Variants in VWA3B observed in about 807,000 individuals in gnomAD.
VWA3B encodes the protein von Willebrand factor A domain-containing protein 3B.
Under a neutral mutation model 158.3 loss-of-function variants are expected in VWA3B, and 138 were observed. That is an observed-to-expected ratio of 0.87 (90% CI 0.76 to 1.00). The LOEUF is 1.00. Among genes scored for constraint, VWA3B ranks in the 50% least tolerant of loss-of-function variants. The pLI is 0.00. For synonymous variants in VWA3B, 596 were observed against 587.3 expected, an observed-to-expected ratio of 1.01 and a Z score of -0.21; for missense variants, 1,555 against 1,565.1, an observed-to-expected ratio of 0.99 and a Z score of 0.11.
At chr2:98,121,818 C>T (rs1408873751) in intron 5 of VWA3B, 1 of 202,028 alleles carries the variant, frequency 4.9e-6, no homozygotes, top group African/African-American at 2.3e-5. Context: ...CACTCTTGCT[C>T]TCCTACCAAT....
At chr2:98,267,165 A>C (rs1431359952) in intron 21 of VWA3B, among the ~76,000 whole-genome samples, 3 of 151,508 alleles carry the variant, frequency 2.0e-5, no homozygotes, top group South Asian at 2.1e-4. Context: ...CCCATTCAGT[A>C]TGATATTGGC....
chr2:98,108,524 G>A (rs568248887), intron 2 of VWA3B, among the ~76,000 whole-genome samples: 5 of 152,108 alleles, frequency 3.3e-5, no homozygotes, highest in African/African-American at 1.2e-4. Flanking sequence ...ATATTTTGCA[G>A]TTCTATTGGG....
intron 10 of VWA3B, among the ~76,000 whole-genome samples, chr2:98,190,327 G>A (rs1033893763): frequency 6.6e-6 from 1 of 151,876 alleles, no homozygotes; most frequent in Non-Finnish European, 1.5e-5. Flanking sequence ...TCCCACTTAC[G>A]CCCTTTCTAT....
At position 98,222,868 on chromosome 2, in the gene VWA3B, A is replaced by T. The variant is rs377483274; in HGVS notation, c.2019+4840A>T. Among the ~76,000 whole-genome samples, 49 of 152,348 alleles carry T rather than the reference A, an allele frequency of 3.2e-4. No homozygotes were observed. The East Asian group carries it at 5.2e-3, about 16-fold the overall frequency. On this transcript the variant is annotated intron_variant, in intron 14 of 27. Coordinates refer to ENST00000477737, the MANE Select transcript of VWA3B (RefSeq NM_144992.5). Reference sequence around the variant, plus strand: ...AAGCAGGGCAACTACCAAGTAAAATAAAAGATTTTAAATAGGACCCAGAAT... The same window carrying T: ...AAGCAGGGCAACTACCAAGTAAAATTAAAGATTTTAAATAGGACCCAGAAT...
chr2:98,274,191 A>G lies in VWA3B; in HGVS notation c.3045+3308A>G, dbSNP rs567525773. Among the ~76,000 whole-genome samples the G allele has an allele frequency of 7.2e-5, 11 of 152,218 alleles. No homozygotes were observed. In the East Asian group the frequency reaches 1.2e-3, roughly 16 times the overall value. On this transcript the variant is annotated intron_variant, in intron 22 of 27. Transcript: ENST00000477737. ...AATGGGGATTTGTTAGCTGTGTTGAATGCATGGGCCCAGCCTAATGGAGGA... is the reference window on the plus strand; with the variant it reads ...AATGGGGATTTGTTAGCTGTGTTGAGTGCATGGGCCCAGCCTAATGGAGGA...
intron 14 of VWA3B, among the ~76,000 whole-genome samples, chr2:98,221,187 G>T (rs1684472209): frequency 6.6e-6 from 1 of 151,858 alleles, no homozygotes; most frequent in Non-Finnish European, 1.5e-5. Flanking sequence ...GAGGTCCCTT[G>T]GCAATGAGTC....
intron 19 of VWA3B, among the ~76,000 whole-genome samples, chr2:98,249,088 A>G (rs889567849): frequency 6.6e-6 from 1 of 152,114 alleles, no homozygotes; most frequent in Non-Finnish European, 1.5e-5. Context: ...AAATGCCTAC[A>G]TGCTCCTTAT....
chr2:98,160,037 A>G (rs1220329389), intron 7 of VWA3B, among the ~76,000 whole-genome samples: 1 of 151,538 alleles, frequency 6.6e-6, no homozygotes, highest in Non-Finnish European at 1.5e-5. Flanking sequence ...ACATAAAGAT[A>G]CATACAGCTT....
chr2:98,234,989 C>T (rs1429864094), intron 17 of VWA3B, among the ~76,000 whole-genome samples: 1 of 152,094 alleles, frequency 6.6e-6, no homozygotes, highest in African/African-American at 2.4e-5. Flanking sequence ...TTAATACACA[C>T]GTGGCTCACA....
chr2:98,252,097 T>C (rs983678671), intron 20 of VWA3B, among the ~76,000 whole-genome samples: 31 of 152,090 alleles, frequency 2.0e-4, no homozygotes, highest in Non-Finnish European at 4.1e-4. Context: ...TCAGCACCAA[T>C]GATCCTTCTC....
intron 5 of VWA3B, among the ~76,000 whole-genome samples, chr2:98,124,935 A>G (rs1675241225): frequency 6.6e-6 from 1 of 152,218 alleles, no homozygotes; most frequent in Non-Finnish European, 1.5e-5. Context: ...TGAAAACATA[A>G]AGGCTCCTCC....
intron 22 of VWA3B, among the ~76,000 whole-genome samples, chr2:98,280,365 A>T (rs1437950604): frequency 6.6e-6 from 1 of 152,220 alleles, no homozygotes; most frequent in Non-Finnish European, 1.5e-5. Context: ...AGAGAGAGAA[A>T]AAAAACACAC....
At chr2:98,203,486 T>C (rs1682756022) in intron 12 of VWA3B, among the ~76,000 whole-genome samples, 1 of 152,262 alleles carries the variant, frequency 6.6e-6, no homozygotes, top group Admixed American at 6.5e-5. Flanking sequence ...GACATTTGGA[T>C]AGAAATTGCA....
downstream of VWA3B, among the ~76,000 whole-genome samples, chr2:98,318,247 T>C (rs1691129730): frequency 6.6e-6 from 1 of 152,304 alleles, no homozygotes; most frequent in Admixed American, 6.5e-5. Context: ...ATATAAATTT[T>C]TTATTATAAA....
At chr2:98,182,088 G>A (rs1195614265) in intron 9 of VWA3B, among the ~76,000 whole-genome samples, 1 of 152,256 alleles carries the variant, frequency 6.6e-6, no homozygotes, top group Admixed American at 6.5e-5. Flanking sequence ...GGTACATGCT[G>A]TGAAGTGAAC....
chr2:98,271,946 G>A (rs1688225632), intron 22 of VWA3B, among the ~76,000 whole-genome samples: 1 of 152,234 alleles, frequency 6.6e-6, no homozygotes, highest in African/African-American at 2.4e-5. Flanking sequence ...TAAGAGGTGT[G>A]TGTGGGAAAA....
chr2:98,203,151 A>G (rs1682723591), intron 12 of VWA3B, among the ~76,000 whole-genome samples: 1 of 152,206 alleles, frequency 6.6e-6, no homozygotes, highest in Admixed American at 6.5e-5. Context: ...TTTTTCGCCT[A>G]TGAATGTGCA....
intron 22 of VWA3B, among the ~76,000 whole-genome samples, chr2:98,277,762 G>A (rs1272542987): frequency 6.6e-6 from 1 of 152,190 alleles, no homozygotes; most frequent in African/African-American, 2.4e-5. Context: ...TTAGGAGAAG[G>A]AAGAGAAGAG....
At chr2:98,212,173 GA>G (rs377556018) in intron 13 of VWA3B, 145 bp downstream of exon 13, 211 of 599,304 alleles carry the variant, frequency 3.5e-4, no homozygotes, top group East Asian at 3.5e-3. Flanking sequence ...TCTGAGGTGA[GA>G]AAATACACTG....
Sources: allele counts gnomAD v4.1 joint callset (sites outside exome capture counted in the v4.1 genomes callset), GRCh38; gene constraint gnomAD v4.1.1; transcripts MANE v1.5; gene names NCBI Gene and HGNC (gene_info 2026-07-23, HGNC 2026-07-21).